PDE1C: variants seen among roughly 807,000 people sequenced by gnomAD.
The protein encoded by PDE1C is phosphodiesterase 1C, also known as dual specificity calcium/calmodulin-dependent 3',5'-cyclic nucleotide phosphodiesterase 1C.
Under a neutral mutation model 93.1 loss-of-function variants are expected in PDE1C, and 62 were observed. The ratio of observed to expected loss-of-function variants is 0.67; its 90% CI spans 0.54 to 0.82. The LOEUF is 0.82. PDE1C is among the 40% of genes least tolerant of loss of function. The pLI is 0.00. For synonymous variants in PDE1C, 325 were observed against 310.1 expected (o/e 1.05, Z -0.50); for missense variants, 742 against 884.6 (o/e 0.84, Z 2.04).
At chr7:31,910,664 A>G (rs1279104452) in intron 2 of PDE1C, among the ~76,000 whole-genome samples, 3 of 152,200 alleles carry the variant, frequency 2.0e-5, no homozygotes, top group East Asian at 3.9e-4. Flanking sequence ...GGATGAGTCC[A>G]TGGCCTCTAA....
chr7:31,772,273 G>C (rs958389677), intron 17 of PDE1C, among the ~76,000 whole-genome samples: 2 of 152,074 alleles, frequency 1.3e-5, no homozygotes, highest in African/African-American at 4.8e-5. Context: ...ATCTCTCTAG[G>C]CCAACAGCTT....
At chr7:31,719,920 G>GTA in the PDE1C span, among the ~76,000 whole-genome samples, 1 of 152,052 alleles carries the variant, frequency 6.6e-6, no homozygotes, top group African/African-American at 2.4e-5. Flanking sequence ...AGTCTAATGT[G>GTA]GGGAGGCCGA....
rs1481303705 is a variant in PDE1C at position 32,374,260 on chromosome 7, A to G, written c.310+53562T>C. Among the ~76,000 whole-genome samples the G allele has an allele frequency of 8.2e-5, 8 of 98,096 alleles. No homozygotes were observed. The East Asian group carries it at 1.6e-3, about 20-fold the overall frequency. 64.4% of individuals were successfully genotyped at this position (98,096 alleles called of 152,430 possible). On this transcript the variant is annotated intron_variant, in intron 1 of 1. Transcript: ENST00000672256. ...AAAGAAGGAAGGAAAGGAAAGGAAG[A>G]AAGAAAGAAAGAAAGAAAGAAAGAA... is the stretch of plus-strand genomic sequence containing the variant.
chr7:32,035,954 T>C (rs1331611453), intron 2 of PDE1C, among the ~76,000 whole-genome samples: 2 of 152,154 alleles, frequency 1.3e-5, no homozygotes, highest in Non-Finnish European at 2.9e-5. Context: ...CCCCCTTGGA[T>C]AATGAACAAG....
At chr7:31,708,705 T>C in the PDE1C span, among the ~76,000 whole-genome samples, 3 of 152,208 alleles carry the variant, frequency 2.0e-5, no homozygotes, top group Non-Finnish European at 4.4e-5. Flanking sequence ...TGGGCCTGAT[T>C]AGAATCATGG....
chr7:32,251,210 A>AC lies in PDE1C; in HGVS notation c.86-41672dup, dbSNP rs146308764. On this transcript the variant is annotated intron_variant, in intron 1 of 18. Coordinates refer to the PDE1C transcript ENST00000396193. ...GCTGGATACACTCCCACATTTGCTC[A>AC]CCTGCCACCGGGGTGTCCACAGTCC... is the stretch of plus-strand genomic sequence containing the variant. Among the ~76,000 whole-genome samples, 563 of 152,218 alleles carry AC rather than the reference A, an allele frequency of 3.7e-3. 8 individuals carry two copies. The highest frequency in any genetic ancestry group is 0.013 in the African/African-American group (525 of 41,520).
the PDE1C span, among the ~76,000 whole-genome samples, chr7:31,635,890 T>TA: frequency 2.6e-5 from 4 of 152,112 alleles, no homozygotes; most frequent in Non-Finnish European, 5.9e-5. Flanking sequence ...AGTTTACCTA[T>TA]GTAATAAACC....
chr7:31,793,679 T>TG (rs1282509232), intron 16 of PDE1C, among the ~76,000 whole-genome samples: 2 of 151,184 alleles, frequency 1.3e-5, no homozygotes, highest in Non-Finnish European at 3.0e-5. Flanking sequence ...GGTCCTCGTT[T>TG]TTTTTTTTTT....
chr7:32,411,213 C>T (rs886174540), intron 1 of PDE1C, among the ~76,000 whole-genome samples: 2 of 152,078 alleles, frequency 1.3e-5, no homozygotes, highest in Non-Finnish European at 2.9e-5. Flanking sequence ...AAAATCAAAT[C>T]AAATTATAAA....
chr7:31,930,597 T>C (rs10252191), intron 2 of PDE1C, among the ~76,000 whole-genome samples: 56,362 of 151,842 alleles, frequency 0.37, 11,376 homozygotes, highest in Non-Finnish European at 0.44. Context: ...TCCCAGCACC[T>C]TGGAAGGCCA....
At chr7:32,175,943 A>G (rs6969125) in intron 2 of PDE1C, among the ~76,000 whole-genome samples, 1,985 of 152,280 alleles carry the variant, frequency 0.013, 46 homozygotes, top group African/African-American at 0.045. Flanking sequence ...GCCATTTCAC[A>G]TCCATTAAGT....
intron 2 of PDE1C, among the ~76,000 whole-genome samples, chr7:31,917,938 A>T (rs1802134214): frequency 6.6e-6 from 1 of 152,178 alleles, no homozygotes. Context: ...AAAAAATAAC[A>T]CTAGAGTAAA....
the PDE1C span, among the ~76,000 whole-genome samples, chr7:31,683,371 T>C: frequency 2.5e-4 from 38 of 152,236 alleles, no homozygotes; most frequent in Admixed American, 2.4e-3. Flanking sequence ...CTTATTTTAG[T>C]AGGTATTTAT....
intron 15 of PDE1C, among the ~76,000 whole-genome samples, chr7:31,815,108 C>T (rs969982586): frequency 6.6e-6 from 1 of 152,134 alleles, no homozygotes; most frequent in Non-Finnish European, 1.5e-5. Flanking sequence ...CCTACTCTGA[C>T]ATTTACCCCA....
chr7:32,133,011 A>G (rs1255902287), intron 3 of PDE1C, among the ~76,000 whole-genome samples: 1 of 152,190 alleles, frequency 6.6e-6, no homozygotes, highest in African/African-American at 2.4e-5. Context: ...TAGGAAAAAA[A>G]TTATAAGTTC....
intron 2 of PDE1C, among the ~76,000 whole-genome samples, chr7:31,899,729 C>A (rs111402714): frequency 6.6e-6 from 1 of 152,092 alleles, no homozygotes; most frequent in Non-Finnish European, 1.5e-5. Context: ...TATGAGCAGG[C>A]CTATGTAAAT....
At chr7:32,295,737 A>T (rs1385324086) in intron 1 of PDE1C, among the ~76,000 whole-genome samples, 1 of 151,614 alleles carries the variant, frequency 6.6e-6, no homozygotes, top group Non-Finnish European at 1.5e-5. Flanking sequence ...TAAAAATACA[A>T]AAAAAAATTA....
intron 2 of PDE1C, among the ~76,000 whole-genome samples, chr7:32,198,289 A>T (rs1485697015): frequency 2.0e-5 from 3 of 152,220 alleles, no homozygotes; most frequent in Non-Finnish European, 2.9e-5. Context: ...ATTCAATTTG[A>T]CTTCTGGCTT....
the PDE1C span, among the ~76,000 whole-genome samples, chr7:31,688,188 T>G: frequency 3.9e-5 from 6 of 152,276 alleles, no homozygotes; most frequent in East Asian, 1.2e-3. Flanking sequence ...TGGGTAATAC[T>G]CTCAACAACC....
Sources: gnomAD v4.1 joint callset for allele counts (sites outside exome capture counted in the v4.1 genomes callset) on GRCh38, gnomAD v4.1.1 for gene constraint, MANE v1.5 for transcripts, NCBI Gene and HGNC (gene_info 2026-07-23, HGNC 2026-07-21) for gene names.